The following TP63 variants were observed in gnomAD, a reference collection of about 807,000 sequenced individuals.
TP63 encodes tumor protein p63.
In TP63, 17 loss-of-function variants were observed where a neutral mutation model predicts 82.8. That is an observed-to-expected ratio of 0.21 (90% confidence interval 0.14 to 0.31). The LOEUF (loss-of-function observed/expected upper bound fraction) is 0.31. Among genes scored for constraint, TP63 ranks in the 10% least tolerant of loss-of-function variants. The pLI, the probability that TP63 is intolerant of heterozygous loss-of-function variation, is 1.00. For missense variants in TP63, 648 were observed against 895.3 expected, an observed-to-expected ratio of 0.72 and a Z score of 3.52; for synonymous variants, 330 against 321.7, an observed-to-expected ratio of 1.03 and a Z score of -0.28.
At chr3:189,782,547 C>T (rs769167868) in intron 3 of TP63, among the ~76,000 whole-genome samples, 10 of 152,080 alleles carry the variant, frequency 6.6e-5, no homozygotes, top group Admixed American at 6.6e-5. Flanking sequence ...TTCAGAAATA[C>T]ATATATTGAT....
At chr3:189,621,510 A>G in the TP63 span, among the ~76,000 whole-genome samples, 2 of 151,864 alleles carry the variant, frequency 1.3e-5, no homozygotes, top group Non-Finnish European at 1.5e-5. Context: ...ACACTATAGT[A>G]TATTTTATAT....
At chr3:189,673,107 C>G (rs1715073528) in intron 1 of TP63, among the ~76,000 whole-genome samples, 1 of 152,072 alleles carries the variant, frequency 6.6e-6, no homozygotes, top group African/African-American at 2.4e-5. Context: ...TCCCAAAGTG[C>G]AGATTACCGG....
At chr3:189,813,540 C>G (rs1321776820) in intron 4 of TP63, among the ~76,000 whole-genome samples, 1 of 151,696 alleles carries the variant, frequency 6.6e-6, no homozygotes, top group Non-Finnish European at 1.5e-5. Flanking sequence ...TATTTTTCAC[C>G]GCTCATGACA....
chr3:189,709,628 G>A (rs112039812), intron 1 of TP63, among the ~76,000 whole-genome samples: 25 of 152,072 alleles, frequency 1.6e-4, no homozygotes, highest in African/African-American at 6.0e-4. Context: ...CTGGGCAACA[G>A]AGCAAGACTC....
At chr3:189,609,376 A>G in the TP63 span, among the ~76,000 whole-genome samples, 2 of 152,132 alleles carry the variant, frequency 1.3e-5, no homozygotes, top group African/African-American at 4.8e-5. Context: ...GTATGTTACT[A>G]TCACCCATTG....
chr3:189,617,055 G>A, the TP63 span, among the ~76,000 whole-genome samples: 6 of 152,230 alleles, frequency 3.9e-5, no homozygotes, highest in Admixed American at 1.3e-4. Flanking sequence ...ATATATTCTG[G>A]CAAACTCCTG....
intron 13 of TP63, among the ~76,000 whole-genome samples, chr3:189,893,753 A>G (rs545022935): frequency 6.6e-6 from 1 of 152,326 alleles, no homozygotes; most frequent in African/African-American, 2.4e-5. Context: ...ATTAAATGAT[A>G]TCATGAATAT....
intron 1 of TP63, among the ~76,000 whole-genome samples, chr3:189,632,954 A>G (rs1267557872): frequency 6.6e-6 from 1 of 152,080 alleles, no homozygotes; most frequent in Non-Finnish European, 1.5e-5. Context: ...GTAACTGTGT[A>G]ATGCTACTCT....
At chr3:189,719,905 C>T (rs1719253746) in intron 1 of TP63, among the ~76,000 whole-genome samples, 1 of 152,176 alleles carries the variant, frequency 6.6e-6, no homozygotes, top group Admixed American at 6.5e-5. Flanking sequence ...AAGCATTGAA[C>T]AATCACATAA....
At chr3:189,641,934 T>G (rs1269335193) in intron 1 of TP63, among the ~76,000 whole-genome samples, 1 of 152,150 alleles carries the variant, frequency 6.6e-6, no homozygotes, top group Non-Finnish European at 1.5e-5. Flanking sequence ...GTGACCTAAC[T>G]AGTAAGTGGA....
rs982269773 is a variant in TP63 at position 189,867,728 on chromosome 3, A to G, written c.883-105A>G. 3.9e-6 allele frequency: 4 copies of G among 1,025,916 alleles called. No individual in the cohort carries two copies. In the African/African-American group the frequency reaches 6.4e-5, roughly 16 times the overall value. 63.6% of individuals were successfully genotyped at this position (1,025,916 alleles called of 1,614,324 possible). On this transcript the variant is annotated intron_variant, in intron 6 of 13. Coordinates refer to ENST00000264731, the MANE Select transcript of TP63 (RefSeq NM_003722.5). ...AGTTTGCCCTTTTAGGAGGAAGCGT[A>G]TCACTTCATCAGAAGTGGAATTCCT...
rs57761830 is a variant in TP63 at position 189,773,915 on chromosome 3, CTTTTTTTTTTT to C, written c.325-34342_325-34332del. 8.2e-5 allele frequency among the ~76,000 whole-genome samples: 6 copies of C among 72,892 alleles called. No individual in the cohort carries two copies. In the Admixed American group the frequency reaches 8.4e-4, roughly 10 times the overall value. 47.8% of individuals were successfully genotyped at this position (72,892 alleles called of 152,430 possible). ...CATATCCATGTATTGTGTCTCGTGC[CTTTTTTTTTTT>C]TTTTTTTTTTTTTTGAGACGGAGTC... On this transcript the variant is annotated intron_variant, in intron 3 of 13. Transcript: ENST00000264731.
chr3:189,892,126 G>T (rs146711148), intron 13 of TP63, among the ~76,000 whole-genome samples: 5 of 152,096 alleles, frequency 3.3e-5, no homozygotes, highest in Non-Finnish European at 5.9e-5. Flanking sequence ...AGTCACTTCC[G>T]TCCACTGAAG....
the TP63 span, among the ~76,000 whole-genome samples, chr3:189,612,393 A>T: frequency 2.1e-4 from 32 of 152,036 alleles, no homozygotes; most frequent in African/African-American, 7.2e-4. Context: ...CTTCTTTCTC[A>T]TTTTTCTCTT....
intron 3 of TP63, chr3:189,789,949 G>A (rs1444536217): frequency 8.1e-6 from 9 of 1,106,826 alleles, no homozygotes; most frequent in Non-Finnish European, 1.1e-5. Flanking sequence ...GTAATGTTTT[G>A]CAAATTGTAT....
intron 4 of TP63, among the ~76,000 whole-genome samples, chr3:189,860,464 TA>T (rs1387430362): frequency 1.1e-4 from 16 of 151,514 alleles, no homozygotes; most frequent in Admixed American, 9.9e-4. Context: ...TAGTACTGGG[TA>T]AAAAAAATAA....
chr3:189,812,501 G>A (rs1477872480), intron 4 of TP63, among the ~76,000 whole-genome samples: 2 of 152,168 alleles, frequency 1.3e-5, no homozygotes, highest in South Asian at 2.1e-4. Context: ...GTTGGGAATC[G>A]TTAATCATAG....
chr3:189,841,632 A>G (rs1714136183), intron 4 of TP63, among the ~76,000 whole-genome samples: 1 of 152,234 alleles, frequency 6.6e-6, no homozygotes, highest in Admixed American at 6.5e-5. Context: ...CGCCAAGGAT[A>G]CCTGAGTCAT....
chr3:189,734,741 C>T (rs1325516943), intron 1 of TP63, among the ~76,000 whole-genome samples: 1 of 152,134 alleles, frequency 6.6e-6, no homozygotes, highest in Non-Finnish European at 1.5e-5. Context: ...TATATCTGTA[C>T]TTAATTTTGC....
Sources: allele counts gnomAD v4.1 joint callset (sites outside exome capture counted in the v4.1 genomes callset), GRCh38; gene constraint gnomAD v4.1.1; transcripts MANE v1.5; gene names NCBI Gene and HGNC (gene_info 2026-07-23, HGNC 2026-07-21).